Variants in FCMR observed in about 807,000 individuals in gnomAD.
FCMR encodes the protein immunoglobulin mu Fc receptor.
FCMR carries 34 observed loss-of-function variants against 41.6 expected under a neutral mutation model. The observed-to-expected ratio is 0.82, with a 90% confidence interval of 0.62 to 1.09. The LOEUF (loss-of-function observed/expected upper bound fraction) is 1.09. FCMR is among the 50% of genes least tolerant of loss of function. The pLI, the probability that FCMR is intolerant of heterozygous loss-of-function variation, is 0.00. For missense variants in FCMR, 496 were observed against 512.5 expected (o/e 0.97, Z 0.31); for synonymous variants, 209 against 211.8 (o/e 0.99, Z 0.12).
intron 1 of FCMR, chr1:206,917,941 A>G (rs1679262294): frequency 2.5e-6 from 1 of 394,886 alleles, no homozygotes; most frequent in Non-Finnish European, 4.9e-6. Context: ...GAAATCCCTC[A>G]GTTGACCTTT....
chr1:206,909,074 G>A lies in FCMR; in HGVS notation c.1044+388C>T, dbSNP rs1678804039. 6.6e-6 allele frequency among the ~76,000 whole-genome samples: 1 copy of A among 152,122 alleles called. No individual in the cohort carries two copies. The highest frequency in any genetic ancestry group is 1.5e-5 in the Non-Finnish European group (1 of 68,006). ...ACTAGAAAGTTCTCGCGCACAGGAAGGTGAACTGTCTAGGTAGCTTCCACC... is the reference window on the plus strand; with the variant it reads ...ACTAGAAAGTTCTCGCGCACAGGAAAGTGAACTGTCTAGGTAGCTTCCACC... On this transcript the variant is annotated intron_variant, in intron 7 of 7. Coordinates refer to ENST00000367091, the MANE Select transcript of FCMR (RefSeq NM_005449.5). The surrounding 1 kb of genome is among the most constrained non-coding windows in gnomAD (Gnocchi z 5.0).
At chr1:206,914,320 T>A (rs927831227) in intron 1 of FCMR, among the ~76,000 whole-genome samples, 15 of 18,700 alleles carry the variant, frequency 8.0e-4, no homozygotes, top group Non-Finnish European at 7.6e-4. Context: ...TTTCCTTCCT[T>A]CCTTCCTTCC....
At chr1:206,906,209 T>C (rs1678638705) in intron 7 of FCMR, 3 of 464,826 alleles carry the variant, frequency 6.5e-6, no homozygotes, top group Admixed American at 2.5e-5. Flanking sequence ...CACATAACAA[T>C]AGGAGAAACG....
intron 7 of FCMR, among the ~76,000 whole-genome samples, chr1:206,907,052 G>C (rs952588161): frequency 2.1e-5 from 3 of 140,300 alleles, no homozygotes; most frequent in Non-Finnish European, 4.7e-5. Context: ...TTCTCTAGCG[G>C]GGGTGGGGAA....
intron 1 of FCMR, among the ~76,000 whole-genome samples, chr1:206,918,365 T>C (rs1679280675): frequency 6.6e-6 from 1 of 152,074 alleles, no homozygotes; most frequent in African/African-American, 2.4e-5. Flanking sequence ...TCCCTCCCTC[T>C]CTCCCCTCAC....
At chr1:206,905,250 G>A in intron 7 of FCMR, 103 bp from the exon 8 acceptor site, 2 of 1,344,858 alleles carry the variant, frequency 1.5e-6, no homozygotes, top group Non-Finnish European at 2.1e-6. Context: ...CATGGCTGCT[G>A]AGTTCCAGAA....
At chr1:206,907,095 T>TGGGGGGGGGGGGGGGGGGGGG (rs1558645957) in intron 7 of FCMR, among the ~76,000 whole-genome samples, 1 of 12,080 alleles carries the variant, frequency 8.3e-5, no homozygotes, top group African/African-American at 3.0e-4. Flanking sequence ...GGTGGGGGGG[T>TGGGGGGGGGGGGGGGGGGGGG]GGGGGGGTGG....
Position 206,903,321 on chromosome 1 carries a change from A to T in FCMR, c.*1698T>A. On this transcript the variant is annotated 3_prime_UTR_variant, in exon 8 of 8. Coordinates refer to ENST00000367091, the MANE Select transcript of FCMR (RefSeq NM_005449.5). ...TCTATTTAATTAATGTCAGTATTTC[A>T]ACTGAAGTTCTATTTATTTGTGAGA... is the stretch of plus-strand genomic sequence containing the variant. 1 of 393,296 alleles carries T rather than the reference A, an allele frequency of 2.5e-6. No homozygotes were observed. Among genetic ancestry groups the T allele is most frequent in the Non-Finnish European group, 4.7e-6 (1 of 214,880 alleles). 24.4% of individuals were successfully genotyped at this position (393,296 alleles called of 1,614,324 possible). A position where few individuals can be genotyped will look rare whatever the true frequency, so the allele number is the denominator to read the frequency against.
Position 206,913,894 on chromosome 1 carries a change from G to T in FCMR, c.238C>A (p.Gln80Lys). 1 of 1,614,216 alleles carries T rather than the reference G, an allele frequency of 6.2e-7. No homozygotes were observed. Among genetic ancestry groups the T allele is most frequent in the East Asian group, 2.2e-5 (1 of 44,890 alleles). ...AEYKGRVTLK[Q>K]YPRKNLFLVE... ...AGGAACAGATTCTTGCGTGGGTATT[G>T]CTTCAGAGTAACTCGGCCCTTGTAT... Residue 80 changes from glutamine (Q) to lysine (K), a missense_variant, in exon 2 of 8, where the codon CAA becomes AAA. By Grantham distance (53) the Gln-to-Lys change is moderately conservative. Coordinates refer to ENST00000367091, the MANE Select transcript of FCMR (RefSeq NM_005449.5).
intron 7 of FCMR, among the ~76,000 whole-genome samples, chr1:206,907,379 C>T (rs770475549): frequency 3.3e-5 from 5 of 152,124 alleles, no homozygotes; most frequent in South Asian, 2.1e-4. Context: ...GTGTACTGAC[C>T]ATGGAGCTGG....
Position 206,904,843 on chromosome 1 carries a change from A to G in FCMR, c.*176T>C. ...GGGGGCTGCCAAGGTGTGCAAGACG[A>G]CCTGGGGGCAGAGCCATGCTCAGGG... On this transcript the variant is annotated 3_prime_UTR_variant, in exon 8 of 8. Coordinates refer to ENST00000367091, the MANE Select transcript of FCMR (RefSeq NM_005449.5). 2 of 688,318 alleles carry G rather than the reference A, an allele frequency of 2.9e-6. No homozygotes were observed. Among genetic ancestry groups the G allele is most frequent in the Middle Eastern group, 4.1e-4 (1 of 2,414 alleles). 42.6% of individuals were successfully genotyped at this position (688,318 alleles called of 1,614,324 possible).
chr1:206,920,251 T>A (rs908778823), intron 1 of FCMR, among the ~76,000 whole-genome samples: 3 of 151,894 alleles, frequency 2.0e-5, no homozygotes, highest in African/African-American at 7.3e-5. Flanking sequence ...GGTCAGGAGT[T>A]CAAGACCAGC....
Position 206,911,863 on chromosome 1 carries a change from C to T in FCMR, c.577G>A (p.Ala193Thr). The T allele has an allele frequency of 5.6e-6, 9 of 1,610,452 alleles. No homozygotes were observed. The highest frequency in any genetic ancestry group is 7.6e-6 in the Non-Finnish European group (9 of 1,178,816). ...QITHRPRVSR[A>T]SSVAGDKPRT... The stretch of plus-strand genomic sequence containing the variant: ...GGCTTGTCACCTGCTACTGAAGATG[C>T]TCTGGACACTCGAGGGCGGTGGGTG... The change falls in exon 4 of 8, where the codon GCA becomes ACA. Residue 193 changes from alanine to threonine, a missense_variant. Coordinates refer to ENST00000367091, the MANE Select transcript of FCMR (RefSeq NM_005449.5).
At chr1:206,921,182 C>A (rs977585128) in intron 1 of FCMR, among the ~76,000 whole-genome samples, 3 of 151,954 alleles carry the variant, frequency 2.0e-5, no homozygotes, top group African/African-American at 7.3e-5. Flanking sequence ...GTTGGAAATT[C>A]GGGACTGAAA....
rs1678969087 is a variant in FCMR at position 206,912,083 on chromosome 1, G to A, written c.488-131C>T. On this transcript the variant is annotated intron_variant, in intron 3 of 7. Transcript: ENST00000367091. The stretch of plus-strand genomic sequence containing the variant: ...ACTACTTCTGTTCTTGCAGTCCTCA[G>A]GGCCTAAAATCCTTTTTAACATGCT... The A allele has an allele frequency of 5.9e-5, 41 of 690,860 alleles. No homozygotes were observed. The South Asian group carries it at 7.6e-4, about 13-fold the overall frequency. The allele number at this position is 690,860 out of a possible 1,614,324, so 42.8% of individuals were successfully genotyped here.
intron 7 of FCMR, chr1:206,906,215 A>T: frequency 2.2e-6 from 1 of 460,090 alleles, no homozygotes; most frequent in Non-Finnish European, 4.3e-6. Context: ...ACAATAGGAG[A>T]AACGATACAC....
intron 1 of FCMR, among the ~76,000 whole-genome samples, chr1:206,920,049 A>G (rs1572633302): frequency 6.6e-6 from 1 of 152,360 alleles, no homozygotes; most frequent in Middle Eastern, 3.4e-3. Context: ...AACCAAATTA[A>G]GATGGACACA....
chr1:206,909,467 G>C lies in FCMR; in HGVS notation c.1039C>G (p.Leu347Val), dbSNP rs1678820450. 5 of 1,280,350 alleles carry C rather than the reference G, an allele frequency of 3.9e-6. No homozygotes were observed. Among genetic ancestry groups the C allele is most frequent in the Non-Finnish European group, 3.9e-6 (4 of 1,014,400 alleles). The allele number at this position is 1,280,350 out of a possible 1,614,324, so 79.3% of individuals were successfully genotyped here. A position where few individuals can be genotyped will look rare whatever the true frequency, so the allele number is the denominator to read the frequency against. The change falls in exon 7 of 8, where the codon CTG (leucine) becomes GTG (valine). Residue 347 changes from leucine (L) to valine (V), a missense_variant. Leu to Val is a conservative substitution (Grantham distance 32). Transcript: ENST00000367091. This position sits in a 1 kb window ranked among gnomAD's most constrained non-coding sequence, Gnocchi z 5.0. ...GPGAPLPPAP[L>V]QVSESPWLHA... is the part of the protein sequence containing the mutation. ...AGGGCAGGAGCGGAGCTTACCTGCAGCGGGGCGGGGGGCAACGGCGCTCCG... is the reference window on the plus strand; with the variant it reads ...AGGGCAGGAGCGGAGCTTACCTGCACCGGGGCGGGGGGCAACGGCGCTCCG...
chr1:206,910,098 CCAG>C lies in FCMR; in HGVS notation c.841+109_841+111del. 2.3e-6 allele frequency: 3 copies of C among 1,291,980 alleles called. No homozygotes were observed. The South Asian group carries it at 4.8e-5, about 21-fold the overall frequency. 80.0% of individuals were successfully genotyped at this position (1,291,980 alleles called of 1,614,324 possible). On this transcript the variant is annotated intron_variant, in intron 5 of 7. Coordinates refer to ENST00000367091, the MANE Select transcript of FCMR (RefSeq NM_005449.5). ...CCCACTTCCCTAACTTCCCTACACC[CCAG>C]GCTGCTCATCAAAAGCTCCGAGTTT...
Sources: gnomAD v4.1 joint callset for allele counts (sites outside exome capture counted in the v4.1 genomes callset) on GRCh38, gnomAD v4.1.1 for gene constraint, Gnocchi (gnomAD v3.1) non-coding constraint, MANE v1.5 for transcripts, NCBI Gene and HGNC (gene_info 2026-07-23, HGNC 2026-07-21) for gene names.